MEAK7: variants seen among roughly 807,000 people sequenced by gnomAD.
The protein encoded by MEAK7 is MTOR-associated protein MEAK7.
A neutral mutation model predicts 40.5 loss-of-function variants in MEAK7; 68 were observed. The ratio of observed to expected loss-of-function variants is 1.68; its 90% CI spans 1.38 to 2.06. MEAK7 has a LOEUF of 2.06. Among genes scored for constraint, MEAK7 ranks in the 30% most tolerant of loss-of-function variants. The pLI is 0.00. For synonymous variants in MEAK7, 338 were observed against 231.9 expected, an observed-to-expected ratio of 1.46 and a Z score of -4.16; for missense variants, 918 against 580.5, an observed-to-expected ratio of 1.58 and a Z score of -5.98.
Position 84,482,589 on chromosome 16 carries a change from C to T in MEAK7, c.1077+3G>A. 2.5e-6 allele frequency: 4 copies of T among 1,614,144 alleles called. No individual in the cohort carries two copies. The highest frequency in any genetic ancestry group is 2.2e-5 in the South Asian group (2 of 91,074). On this transcript the variant is annotated splice_donor_region_variant and intron_variant, in intron 6 of 7. Coordinates refer to ENST00000343629, the MANE Select transcript of MEAK7 (RefSeq NM_020947.4). ...AAGACCACCACGCTCTGCCCGGGCT[C>T]ACCAGTCCGTTCGGGATCGTCTGCT...
At chr16:84,490,677 T>TGTGTGTGTGTGTGTGTGTGTGTGC (rs1244748187) in intron 3 of MEAK7, among the ~76,000 whole-genome samples, 1 of 150,468 alleles carries the variant, frequency 6.6e-6, no homozygotes, top group African/African-American at 2.4e-5. Context: ...TGTGTGTGTG[T>TGTGTGTGTGTGTGTGTGTGTGTGC]GTGTGTGTGT....
Position 84,480,589 on chromosome 16 carries a change from C to G in MEAK7, c.1197G>C (p.Glu399Asp). ...CCTCCATCTTATCAAACTGGAAGTT[C>G]TCCTGAGCCGACAGCTGCGGGCTGT... ...TYNSPQLSAQENFQFDKMEVW... is the reference protein window; with the variant it reads ...TYNSPQLSAQDNFQFDKMEVW... The change falls in exon 7 of 8, where the codon GAG becomes GAC. Residue 399 changes from glutamate (E) to aspartate (D), a missense_variant. Physicochemically the swap from Glu to Asp is conservative, Grantham distance 45. Coordinates refer to ENST00000343629, the MANE Select transcript of MEAK7 (RefSeq NM_020947.4). 2 of 1,614,094 alleles carry G rather than the reference C, an allele frequency of 1.2e-6. No individual in the cohort carries two copies. Among genetic ancestry groups the G allele is most frequent in the South Asian group, 1.1e-5 (1 of 91,078 alleles).
intron 2 of MEAK7, among the ~76,000 whole-genome samples, chr16:84,496,735 G>A (rs866481964): frequency 2.0e-5 from 3 of 152,112 alleles, no homozygotes; most frequent in South Asian, 2.1e-4. Context: ...CGTCCTGGGT[G>A]TAGCTCACTT....
intron 5 of MEAK7, chr16:84,485,992 T>A (rs36060552): frequency 0.4 from 59,992 of 150,930 alleles, 12,434 homozygotes; most frequent in South Asian, 0.57. Context: ...TTATTATTTT[T>A]TTTTTTTTTT....
Position 84,498,120 on chromosome 16 carries a change from GGAAAA to G in MEAK7, c.-25-14_-25-10del. 6.5e-7 allele frequency: 1 copy of G among 1,547,392 alleles called. No individual in the cohort carries two copies. Among genetic ancestry groups the G allele is most frequent in the Non-Finnish European group, 8.7e-7 (1 of 1,151,556 alleles). On this transcript the variant is annotated splice_polypyrimidine_tract_variant and intron_variant, in intron 1 of 7. Transcript: ENST00000343629. ...ATATCTGGCAGAATTCTCTGCAGAAGGAAAAGACACAACATTAGAAAAATCAAAAT... is the reference window on the plus strand; with the variant it reads ...ATATCTGGCAGAATTCTCTGCAGAAGGACACAACATTAGAAAAATCAAAAT...
intron 1 of MEAK7, chr16:84,503,959 C>A (rs1193975272): frequency 2.0e-6 from 2 of 985,406 alleles, no homozygotes; most frequent in African/African-American, 3.5e-5. Flanking sequence ...CCTCCGTACC[C>A]CCACAAGCTG....
Position 84,479,977 on chromosome 16 carries a change from A to C in MEAK7, c.1307T>G (p.Leu436Arg). The change falls in exon 8 of 8, where the codon CTG becomes CGG. Residue 436 changes from leucine to arginine, a missense_variant. Transcript: ENST00000343629. ...ILDADPEAQA[L>R]LEISGHSRHS... is the part of the protein sequence containing the mutation. ...GCGCGAATGCCCACTGATCTCCAGC[A>C]GGGCCTGGGCCTCAGGGTCCGCATC... The C allele has an allele frequency of 6.2e-7, 1 of 1,609,654 alleles. No individual in the cohort carries two copies. Among genetic ancestry groups the C allele is most frequent in the South Asian group, 1.1e-5 (1 of 90,578 alleles).
chr16:84,492,217 T>C (rs1913677090), intron 3 of MEAK7, among the ~76,000 whole-genome samples: 1 of 152,196 alleles, frequency 6.6e-6, no homozygotes, highest in Non-Finnish European at 1.5e-5. Context: ...ATATCAAACA[T>C]ACACTGATCC....
Position 84,486,764 on chromosome 16 carries a change from A to C in MEAK7, c.825T>G (p.His275Gln). The C allele has an allele frequency of 1.2e-6, 2 of 1,614,016 alleles. No individual in the cohort carries two copies. Among genetic ancestry groups the C allele is most frequent in the Non-Finnish European group, 1.7e-6 (2 of 1,179,892 alleles). ...RWCLLFSSELHGHSFSQLCGH... is the reference protein window; with the variant it reads ...RWCLLFSSELQGHSFSQLCGH... ...CACAGAGCTGGGAGAAGCTGTGTCC[A>C]TGGAGCTCAGACGAAAAGAGCAGGC... Residue 275 changes from histidine (H) to glutamine (Q), a missense_variant, in exon 5 of 8, where the codon CAT becomes CAG. Physicochemically the swap from His to Gln is conservative, Grantham distance 24. Coordinates refer to ENST00000343629, the MANE Select transcript of MEAK7 (RefSeq NM_020947.4).
intron 3 of MEAK7, among the ~76,000 whole-genome samples, chr16:84,494,468 A>T (rs181682091): frequency 6.6e-6 from 1 of 152,166 alleles, no homozygotes; most frequent in African/African-American, 2.4e-5. Context: ...ATTTGAAATC[A>T]TTAAAAAATA....
intron 3 of MEAK7, 179 bp downstream of exon 3, chr16:84,495,504 C>T (rs1349262688): frequency 1.6e-6 from 1 of 619,506 alleles, no homozygotes; most frequent in Non-Finnish European, 2.8e-6. Flanking sequence ...TGGAGAAAGG[C>T]ACAGGCCTCT....
At chr16:84,494,123 A>C (rs892230953) in intron 3 of MEAK7, among the ~76,000 whole-genome samples, 2 of 152,256 alleles carry the variant, frequency 1.3e-5, no homozygotes, top group African/African-American at 4.8e-5. Flanking sequence ...AAGATAATTC[A>C]AAGAGAGTCA....
intron 5 of MEAK7, among the ~76,000 whole-genome samples, chr16:84,485,545 A>C (rs749667634): frequency 2.6e-5 from 4 of 152,308 alleles, no homozygotes; most frequent in Non-Finnish European, 5.9e-5. Flanking sequence ...GGGAATGCCA[A>C]AGGCAAACCC....
At position 84,480,659 on chromosome 16, in the gene MEAK7, A is replaced by G. The variant is rs1912453625; in HGVS notation, c.1127T>C (p.Phe376Ser). The change falls in exon 7 of 8, where the codon TTT becomes TCT. Residue 376 changes from phenylalanine (F) to serine (S), a missense_variant. Transcript: ENST00000343629. Reference protein sequence around the residue: ...NYFGLWVDVDFGKGHSRAKPT... With the variant: ...NYFGLWVDVDSGKGHSRAKPT... Reference sequence around the variant, plus strand: ...CTTGGCTCTGCTGTGTCCTTTCCCAAAATCAACATCCACCCAAAGCCCAAA... The same window carrying G: ...CTTGGCTCTGCTGTGTCCTTTCCCAGAATCAACATCCACCCAAAGCCCAAA... 6.2e-7 allele frequency: 1 copy of G among 1,613,866 alleles called. No individual in the cohort carries two copies. The highest frequency in any genetic ancestry group is 8.5e-7 in the Non-Finnish European group (1 of 1,179,902).
intron 1 of MEAK7, among the ~76,000 whole-genome samples, chr16:84,504,381 C>G (rs74941883): frequency 0.013 from 2,009 of 152,270 alleles, 45 homozygotes; most frequent in African/African-American, 0.047. Flanking sequence ...TTCTGATCCC[C>G]CCCAGGAGAC....
chr16:84,494,986 C>G (rs1034591508), intron 3 of MEAK7, among the ~76,000 whole-genome samples: 2 of 152,216 alleles, frequency 1.3e-5, no homozygotes, highest in Non-Finnish European at 1.5e-5. Context: ...ATCTCCACAG[C>G]TGGCCAGCGT....
At chr16:84,503,443 C>G (rs1914658468) in intron 1 of MEAK7, among the ~76,000 whole-genome samples, 1 of 152,156 alleles carries the variant, frequency 6.6e-6, no homozygotes, top group Non-Finnish European at 1.5e-5. Flanking sequence ...TTCCTGGCTT[C>G]CCACTTGCCC....
intron 1 of MEAK7, chr16:84,503,003 A>G (rs2150653305): frequency 6.6e-6 from 1 of 152,280 alleles, no homozygotes; most frequent in South Asian, 2.1e-4. Context: ...AACAAAAAAC[A>G]AACAAACAAA....
At position 84,477,984 on chromosome 16, in the gene MEAK7, T is replaced by C. The variant is rs1266752503; in HGVS notation, c.*1929A>G. ...ATGTGAGTGGACAAAGTCCTAACCT[T>C]TGCAGCGGCCTGGGCAGAAGCAGCA... On this transcript the variant is annotated 3_prime_UTR_variant, in exon 8 of 8. Coordinates refer to ENST00000343629, the MANE Select transcript of MEAK7 (RefSeq NM_020947.4). 6.6e-6 allele frequency: 1 copy of C among 152,180 alleles called. No individual in the cohort carries two copies. The highest frequency in any genetic ancestry group is 1.5e-5 in the Non-Finnish European group (1 of 68,048). The allele number at this position is 152,180 out of a possible 1,614,324, so 9.4% of individuals were successfully genotyped here. A position where few individuals can be genotyped will look rare whatever the true frequency, so the allele number is the denominator to read the frequency against.
Sources: gnomAD v4.1 joint callset for allele counts (sites outside exome capture counted in the v4.1 genomes callset) on GRCh38, gnomAD v4.1.1 for gene constraint, MANE v1.5 for transcripts, NCBI Gene and HGNC (gene_info 2026-07-23, HGNC 2026-07-21) for gene names.